Variants in VAX2 observed in about 807,000 individuals in gnomAD.
The protein encoded by VAX2 is ventral anterior homeobox 2.
Under a neutral mutation model 12.5 loss-of-function variants are expected in VAX2, and 8 were observed. The observed-to-expected ratio is 0.64, with a 90% confidence interval of 0.37 to 1.15. VAX2 has a LOEUF of 1.15. Ranked by LOEUF, VAX2 falls within the 50% of genes most tolerant of loss-of-function variation. The pLI is 0.01. For missense variants in VAX2, 476 were observed against 412.9 expected (o/e 1.15, Z -1.32); for synonymous variants, 183 against 187.6 (o/e 0.98, Z 0.20).
chr2:70,927,098 A>C (rs1679590955), intron 2 of VAX2, among the ~76,000 whole-genome samples: 1 of 152,172 alleles, frequency 6.6e-6, no homozygotes, highest in Non-Finnish European at 1.5e-5. Context: ...GACAGCCAAG[A>C]GGGTCAAAAT....
At chr2:70,923,053 A>T (rs370781556) in intron 2 of VAX2, among the ~76,000 whole-genome samples, 1 of 152,054 alleles carries the variant, frequency 6.6e-6, no homozygotes, top group East Asian at 1.9e-4. Context: ...GTGCATGTGT[A>T]CATGTGTGTG....
At chr2:70,909,799 C>T (rs1370005021) in intron 1 of VAX2, among the ~76,000 whole-genome samples, 1 of 152,024 alleles carries the variant, frequency 6.6e-6, no homozygotes, top group African/African-American at 2.4e-5. Flanking sequence ...TTAACTAGTC[C>T]TCTATTAATG....
chr2:70,932,557 A>T (rs1553414448), intron 2 of VAX2, among the ~76,000 whole-genome samples: 1 of 151,820 alleles, frequency 6.6e-6, no homozygotes, highest in African/African-American at 2.4e-5. Flanking sequence ...AGAGTCCCTA[A>T]TCAGTTCGCC....
intron 1 of VAX2, among the ~76,000 whole-genome samples, chr2:70,917,517 C>A (rs1679336726): frequency 6.6e-6 from 1 of 152,134 alleles, no homozygotes; most frequent in Admixed American, 6.6e-5. Flanking sequence ...GCATCCTCAC[C>A]AGCTTTTCCA....
intron 1 of VAX2, among the ~76,000 whole-genome samples, chr2:70,918,373 G>T (rs781193818): frequency 6.6e-6 from 1 of 152,208 alleles, no homozygotes; most frequent in Non-Finnish European, 1.5e-5. Flanking sequence ...AGTCTCCTGG[G>T]GTGGGACGCT....
At position 70,904,538 on chromosome 2, in the gene VAX2, G is replaced by A. The variant is rs2104756740; in HGVS notation, c.247+3670G>A. 6.6e-6 allele frequency among the ~76,000 whole-genome samples: 1 copy of A among 152,300 alleles called. No homozygotes were observed. The highest frequency in any genetic ancestry group is 1.9e-4 in the East Asian group (1 of 5,184). ...GCAACTTTTACAGACAATGCGTGGC[G>A]TCCGTTCCTGCTCACCCAAAGCGGC... is the stretch of plus-strand genomic sequence containing the variant. On this transcript the variant is annotated intron_variant, in intron 1 of 2. Transcript: ENST00000234392. This position sits in a 1 kb window ranked among gnomAD's most constrained non-coding sequence, Gnocchi z 4.2.
intron 1 of VAX2, among the ~76,000 whole-genome samples, chr2:70,916,113 T>A (rs1679300932): frequency 6.6e-6 from 1 of 152,218 alleles, no homozygotes. Flanking sequence ...AGAGACACTA[T>A]CGTGTTTTTT....
At chr2:70,901,355 A>G (rs1369574138) in intron 1 of VAX2, among the ~76,000 whole-genome samples, 2 of 152,224 alleles carry the variant, frequency 1.3e-5, no homozygotes, top group African/African-American at 4.8e-5. Context: ...GTCCCCGGCA[A>G]TCGGGACCCG....
chr2:70,919,383 T>C (rs1424717959), intron 1 of VAX2, among the ~76,000 whole-genome samples: 1 of 151,662 alleles, frequency 6.6e-6, no homozygotes, highest in African/African-American at 2.4e-5. Flanking sequence ...CATGGAGACA[T>C]TGAGAAGGTT....
At chr2:70,922,681 C>T (rs1040234742) in intron 2 of VAX2, among the ~76,000 whole-genome samples, 3 of 152,024 alleles carry the variant, frequency 2.0e-5, no homozygotes, top group South Asian at 2.1e-4. Context: ...AGGGGAAGGC[C>T]GGGGAAGGAC....
At chr2:70,909,645 C>T (rs898817940) in intron 1 of VAX2, among the ~76,000 whole-genome samples, 33 of 152,140 alleles carry the variant, frequency 2.2e-4, no homozygotes, top group Non-Finnish European at 3.8e-4. Context: ...GATTTTTTTG[C>T]AATGACTTTT....
intron 2 of VAX2, among the ~76,000 whole-genome samples, chr2:70,931,450 G>A (rs1679691765): frequency 6.6e-6 from 1 of 152,222 alleles, no homozygotes; most frequent in African/African-American, 2.4e-5. Context: ...ACCGGGCAAT[G>A]GCCAGATTGG....
chr2:70,912,650 A>G (rs906194355), intron 1 of VAX2, among the ~76,000 whole-genome samples: 3 of 152,254 alleles, frequency 2.0e-5, no homozygotes, highest in African/African-American at 7.2e-5. Context: ...TGACAGAGTG[A>G]GACTCCGTTT....
intron 2 of VAX2, among the ~76,000 whole-genome samples, chr2:70,926,190 T>C: frequency 6.6e-6 from 1 of 152,152 alleles, no homozygotes; most frequent in East Asian, 1.9e-4. Flanking sequence ...CTCACAGGGC[T>C]CTACAGGACA....
At chr2:70,912,094 AC>A (rs1679199155) in intron 1 of VAX2, among the ~76,000 whole-genome samples, 1 of 152,234 alleles carries the variant, frequency 6.6e-6, no homozygotes, top group South Asian at 2.1e-4. Flanking sequence ...AATTCAAAAT[AC>A]TGTCTTCCCA....
chr2:70,905,073 G>A (rs1553410411), intron 1 of VAX2, among the ~76,000 whole-genome samples: 1 of 152,028 alleles, frequency 6.6e-6, no homozygotes, highest in African/African-American at 2.4e-5. Context: ...GCCTCTGCTC[G>A]CTTTCTGCTT....
intron 2 of VAX2, among the ~76,000 whole-genome samples, chr2:70,929,749 A>G (rs1364325785): frequency 2.6e-5 from 4 of 152,006 alleles, no homozygotes; most frequent in African/African-American, 9.7e-5. Flanking sequence ...TATTTTTTAA[A>G]GTATTGGTCC....
chr2:70,905,287 A>G (rs1382581399), intron 1 of VAX2, among the ~76,000 whole-genome samples: 3 of 151,840 alleles, frequency 2.0e-5, no homozygotes, highest in Non-Finnish European at 4.4e-5. Flanking sequence ...AGATTTTTGT[A>G]TTTGTTTTAT....
chr2:70,920,644 G>GACAC lies in VAX2; in HGVS notation c.248-433_248-430dup, dbSNP rs3841907. ...TCCTTCATGCATGCATGCATGCACA[G>GACAC]ACACACACACACACACACACACACG... On this transcript the variant is annotated intron_variant, in intron 1 of 2. Coordinates refer to ENST00000234392, the MANE Select transcript of VAX2 (RefSeq NM_012476.3). Among the ~76,000 whole-genome samples the GACAC allele has an allele frequency of 3.6e-4, 54 of 150,272 alleles. No homozygotes were observed. The South Asian group carries it at 7.0e-3, about 19-fold the overall frequency.
Sources: allele counts gnomAD v4.1 joint callset (sites outside exome capture counted in the v4.1 genomes callset), GRCh38; gene constraint gnomAD v4.1.1; non-coding constraint Gnocchi (gnomAD v3.1); transcripts MANE v1.5; gene names NCBI Gene and HGNC (gene_info 2026-07-23, HGNC 2026-07-21).